The following CBFA2T3 variants were observed in gnomAD, a reference collection of about 807,000 sequenced individuals.
CBFA2T3 encodes CBFA2/RUNX1 partner transcriptional co-repressor 3.
In CBFA2T3, 31 loss-of-function variants were observed where a neutral mutation model predicts 58.6. That is an observed-to-expected ratio of 0.53 (90% CI 0.40 to 0.71). The LOEUF (loss-of-function observed/expected upper bound fraction) is 0.71. Among genes scored for constraint, CBFA2T3 ranks in the 30% least tolerant of loss-of-function variants. CBFA2T3 has a pLI of 0.00. For synonymous variants in CBFA2T3, 531 were observed against 421.9 expected (o/e 1.26, Z -3.17); for missense variants, 1,076 against 963.1 (o/e 1.12, Z -1.55).
At chr16:88,883,671 C>T (rs1330166014) in intron 7 of CBFA2T3, 1 of 151,840 alleles carries the variant, frequency 6.6e-6, no homozygotes, top group Admixed American at 6.6e-5. Context: ...TGGCTGCGCC[C>T]ACGGGAGACG....
chr16:88,942,250 A>C (rs924849855), intron 1 of CBFA2T3, among the ~76,000 whole-genome samples: 1 of 151,948 alleles, frequency 6.6e-6, no homozygotes, highest in Non-Finnish European at 1.5e-5. Flanking sequence ...TGCTTAGTAC[A>C]TTTTAGTAAA....
At chr16:88,888,810 G>A (rs1036118820) in intron 5 of CBFA2T3, among the ~76,000 whole-genome samples, 7 of 151,872 alleles carry the variant, frequency 4.6e-5, no homozygotes, top group Non-Finnish European at 8.8e-5. Flanking sequence ...GCCCCGGGTG[G>A]GGGCACGAGG....
In CBFA2T3 at chr16:88,933,968, C is replaced by A. The variant is rs550041940; in HGVS notation, c.152-32312G>T. Among the ~76,000 whole-genome samples the A allele has an allele frequency of 4.9e-3, 753 of 152,342 alleles. 6 individuals carry two copies. The highest frequency in any genetic ancestry group is 0.017 in the African/African-American group (711 of 41,572). Reference sequence around the variant, plus strand: ...AGCTGAAAAAAAAATACCTCAGTCGCTTAAAAATCAGTGCATGTCGAAAAT... The same window carrying A: ...AGCTGAAAAAAAAATACCTCAGTCGATTAAAAATCAGTGCATGTCGAAAAT... On this transcript the variant is annotated intron_variant, in intron 1 of 11. Coordinates refer to ENST00000268679, the MANE Select transcript of CBFA2T3 (RefSeq NM_005187.6).
intron 1 of CBFA2T3, among the ~76,000 whole-genome samples, chr16:88,903,728 C>A (rs1267506972): frequency 6.7e-6 from 1 of 150,014 alleles, no homozygotes; most frequent in East Asian, 2.0e-4. Flanking sequence ...CCCTTCCAGA[C>A]CAGGCTGCCC....
At chr16:88,913,063 C>A (rs748621197) in intron 1 of CBFA2T3, among the ~76,000 whole-genome samples, 1 of 152,358 alleles carries the variant, frequency 6.6e-6, no homozygotes, top group South Asian at 2.1e-4. Flanking sequence ...TGCAGCTCTT[C>A]CAGTGCAGAG....
At position 88,892,500 on chromosome 16, in the gene CBFA2T3, C is replaced by T. The variant is rs370512257; in HGVS notation, c.380-15G>A. 5.5e-5 allele frequency: 89 copies of T among 1,610,048 alleles called. No homozygotes were observed. Among genetic ancestry groups the T allele is most frequent in the Non-Finnish European group, 6.9e-5 (81 of 1,179,974 alleles). ...GCCGTTCATCACTGCAGGAGGGAAGCGGACATGAGGACACAAAGGTGATGG... is the reference window on the plus strand; with the variant it reads ...GCCGTTCATCACTGCAGGAGGGAAGTGGACATGAGGACACAAAGGTGATGG... On this transcript the variant is annotated splice_polypyrimidine_tract_variant and intron_variant, in intron 3 of 11. Transcript: ENST00000268679.
chr16:88,884,967 C>A lies in CBFA2T3; in HGVS notation c.1117+79G>T, dbSNP rs1969297808. On this transcript the variant is annotated intron_variant, in intron 7 of 11. Coordinates refer to ENST00000268679, the MANE Select transcript of CBFA2T3 (RefSeq NM_005187.6). Reference sequence around the variant, plus strand: ...ACAGCTGCCCGTGGTGCCCTGTGCCCACATGCTCAGGTGTACATGTGGGCG... The same window carrying A: ...ACAGCTGCCCGTGGTGCCCTGTGCCAACATGCTCAGGTGTACATGTGGGCG... 7 of 1,114,230 alleles carry A rather than the reference C, an allele frequency of 6.3e-6. No homozygotes were observed. The South Asian group carries it at 9.1e-5, about 14-fold the overall frequency. The allele number at this position is 1,114,230 out of a possible 1,614,324, so 69.0% of individuals were successfully genotyped here.
chr16:88,942,064 C>T (rs1971761096), intron 1 of CBFA2T3, among the ~76,000 whole-genome samples: 3 of 152,130 alleles, frequency 2.0e-5, no homozygotes, highest in African/African-American at 4.8e-5. Flanking sequence ...GGTCCCGGGG[C>T]CAGGTCATTT....
chr16:88,949,522 T>G (rs1971991600), intron 1 of CBFA2T3, among the ~76,000 whole-genome samples: 1 of 145,944 alleles, frequency 6.9e-6, no homozygotes, highest in Non-Finnish European at 1.5e-5. Flanking sequence ...TCGAGTCACC[T>G]GCACTCCAGC....
intron 1 of CBFA2T3, chr16:88,951,651 G>T (rs1384857653): frequency 2.8e-6 from 1 of 355,918 alleles, no homozygotes. Context: ...CACAGGGCTA[G>T]CAGGACAGTC....
At chr16:88,914,419 C>G (rs1267513935) in intron 1 of CBFA2T3, among the ~76,000 whole-genome samples, 1 of 152,218 alleles carries the variant, frequency 6.6e-6, no homozygotes, top group Non-Finnish European at 1.5e-5. Context: ...AAAATGATGT[C>G]ACGGGACGCT....
intron 1 of CBFA2T3, chr16:88,902,463 A>T (rs2035871904): frequency 1.3e-5 from 2 of 151,482 alleles, no homozygotes; most frequent in Admixed American, 6.6e-5. Context: ...GAGAAGCTCC[A>T]CCCAGGGCCA....
At chr16:88,911,353 T>G (rs1275392039) in intron 1 of CBFA2T3, among the ~76,000 whole-genome samples, 1 of 152,142 alleles carries the variant, frequency 6.6e-6, no homozygotes, top group East Asian at 1.9e-4. Context: ...GAACTCGGGG[T>G]GGGGGCCGTC....
chr16:88,917,872 G>GGGTGCGGAGGAGAGCA (rs1303254722), intron 1 of CBFA2T3, among the ~76,000 whole-genome samples: 2 of 150,298 alleles, frequency 1.3e-5, no homozygotes, highest in African/African-American at 4.8e-5. Context: ...GGAGGAGAGC[G>GGGTGCGGAGGAGAGCA]TGGGTGCGGA....
At chr16:88,970,445 A>G (rs1295560534) in intron 1 of CBFA2T3, among the ~76,000 whole-genome samples, 1 of 152,178 alleles carries the variant, frequency 6.6e-6, no homozygotes, top group Non-Finnish European at 1.5e-5. Flanking sequence ...TCCCTGGCAG[A>G]GATGCACAGC....
intron 1 of CBFA2T3, among the ~76,000 whole-genome samples, chr16:88,914,337 A>G (rs73254258): frequency 0.085 from 12,866 of 152,254 alleles, 1,278 homozygotes; most frequent in African/African-American, 0.24. Context: ...TGTCAGGCCC[A>G]TAGCCGTGTG....
chr16:88,920,690 C>T (rs530215259), intron 1 of CBFA2T3, among the ~76,000 whole-genome samples: 8 of 152,296 alleles, frequency 5.3e-5, no homozygotes, highest in Admixed American at 2.0e-4. Context: ...ACCAAAAGTG[C>T]AGGTGGACAA....
At chr16:88,887,665 G>C (rs528275713) in intron 5 of CBFA2T3, among the ~76,000 whole-genome samples, 1 of 152,298 alleles carries the variant, frequency 6.6e-6, no homozygotes, top group African/African-American at 2.4e-5. Context: ...TGGGGACTGT[G>C]GGAACCTCCG....
intron 1 of CBFA2T3, among the ~76,000 whole-genome samples, chr16:88,972,602 G>C (rs1289047403): frequency 6.6e-6 from 1 of 152,182 alleles, no homozygotes; most frequent in Non-Finnish European, 1.5e-5. Flanking sequence ...TCCGAGCCTG[G>C]GGCTGGACTC....
Sources: gnomAD v4.1 joint callset for allele counts (sites outside exome capture counted in the v4.1 genomes callset) on GRCh38, gnomAD v4.1.1 for gene constraint, MANE v1.5 for transcripts, NCBI Gene and HGNC (gene_info 2026-07-23, HGNC 2026-07-21) for gene names.